The following SSH2 variants were observed in gnomAD, a reference collection of about 807,000 sequenced individuals.
The protein encoded by SSH2 is protein phosphatase Slingshot homolog 2.
In SSH2, 37 loss-of-function variants were observed where a neutral mutation model predicts 135.2. The ratio of observed to expected loss-of-function variants is 0.27; its 90% CI spans 0.21 to 0.36. The LOEUF (loss-of-function observed/expected upper bound fraction) is 0.36. Among genes scored for constraint, SSH2 ranks in the 10% least tolerant of loss-of-function variants. The probability of loss-of-function intolerance (pLI) is 1.00; values close to 1 mark genes in which losing one functional copy is unlikely to be tolerated. For missense variants in SSH2, 1,408 were observed against 1,765.3 expected (o/e 0.80, Z 3.63); for synonymous variants, 628 against 646.2 (o/e 0.97, Z 0.43).
At chr17:29,929,749 CA>C in intron 1 of SSH2, 188 bp downstream of exon 1, 1 of 608,542 alleles carries the variant, frequency 1.6e-6, no homozygotes, top group Non-Finnish European at 2.9e-6. Flanking sequence ...GTGATGGGGG[CA>C]AAAATCAACG....
chr17:29,677,809 CTCTT>C, intron 6 of SSH2, 68 bp from the exon 7 acceptor site: 1 of 1,215,094 alleles, frequency 8.2e-7, no homozygotes, highest in South Asian at 1.2e-5. Context: ...TGTTTACTAA[CTCTT>C]TCAACACCAA....
intron 2 of SSH2, among the ~76,000 whole-genome samples, chr17:29,835,958 CAAA>C (rs34869280): frequency 9.0e-5 from 7 of 77,570 alleles, no homozygotes; most frequent in Non-Finnish European, 8.5e-5. Flanking sequence ...GACTTCGTCT[CAAA>C]AAAAAAAAAA....
In SSH2 at chr17:29,735,867, C is replaced by T. The variant is rs141181794; in HGVS notation, c.189-32805G>A. On this transcript the variant is annotated intron_variant, in intron 3 of 15. Coordinates refer to ENST00000540801, the MANE Select transcript of SSH2 (RefSeq NM_001282129.2). ...ATCCCAGCACTTTGGGAGGCTGAGG[C>T]GGGCAGATCACTTGAGCTCAGAAGT... 3.8e-3 allele frequency among the ~76,000 whole-genome samples: 581 copies of T among 152,090 alleles called. 4 individuals carry two copies. Among genetic ancestry groups the T allele is most frequent in the African/African-American group, 0.013 (554 of 41,510 alleles).
intron 3 of SSH2, among the ~76,000 whole-genome samples, chr17:29,728,044 G>A (rs2040059205): frequency 6.6e-6 from 1 of 152,052 alleles, no homozygotes; most frequent in Admixed American, 6.6e-5. Context: ...AGCTGGGCGT[G>A]GTCTCAAACT....
At chr17:29,901,275 T>C (rs1202356110) in intron 1 of SSH2, among the ~76,000 whole-genome samples, 4 of 151,880 alleles carry the variant, frequency 2.6e-5, no homozygotes, top group South Asian at 4.2e-4. Context: ...ACTTAAAGTA[T>C]AATAATAAAA....
Position 29,684,214 on chromosome 17 carries a change from G to C in SSH2, c.479+349C>G, listed in dbSNP as rs552450680. On this transcript the variant is annotated intron_variant, in intron 6 of 15. Coordinates refer to ENST00000540801, the MANE Select transcript of SSH2 (RefSeq NM_001282129.2). ...AAGGCAACTGGGGCCAGGCACGGTG[G>C]CTCACGCCTGTAATCTCAGTACTTT... Among the ~76,000 whole-genome samples, 3 of 152,246 alleles carry C rather than the reference G, an allele frequency of 2.0e-5. No homozygotes were observed. The East Asian group carries it at 5.8e-4, about 29-fold the overall frequency.
chr17:29,907,816 AC>A (rs932212751), intron 1 of SSH2, among the ~76,000 whole-genome samples: 2 of 142,828 alleles, frequency 1.4e-5, no homozygotes, highest in African/African-American at 5.0e-5. Context: ...CCCTGACAAA[AC>A]CTTTTTTTTT....
chr17:29,913,995 C>A (rs2066835695), intron 1 of SSH2, among the ~76,000 whole-genome samples: 1 of 152,096 alleles, frequency 6.6e-6, no homozygotes, highest in Non-Finnish European at 1.5e-5. Flanking sequence ...ATCTAAAATC[C>A]CCCAAGCAAG....
At chr17:29,686,519 G>A (rs2038229346) in intron 5 of SSH2, among the ~76,000 whole-genome samples, 1 of 150,566 alleles carries the variant, frequency 6.6e-6, no homozygotes, top group Non-Finnish European at 1.5e-5. Flanking sequence ...ATGCTGCCAC[G>A]CCCGGCTAAT....
intron 1 of SSH2, among the ~76,000 whole-genome samples, chr17:29,877,729 T>C (rs931586578): frequency 2.0e-5 from 3 of 149,830 alleles, no homozygotes; most frequent in Non-Finnish European, 1.5e-5. Flanking sequence ...AGAAGAGTAG[T>C]AGAGGGGTGA....
chr17:29,676,483 A>G (rs539010199), intron 8 of SSH2: 27 of 212,158 alleles, frequency 1.3e-4, no homozygotes, highest in Non-Finnish European at 2.3e-4. Context: ...TAGCAATGTG[A>G]TGTTCTAGAT....
chr17:29,715,466 C>T (rs1025228675), intron 3 of SSH2, among the ~76,000 whole-genome samples: 8 of 150,542 alleles, frequency 5.3e-5, no homozygotes, highest in Non-Finnish European at 8.9e-5. Flanking sequence ...AGGATGGTCT[C>T]GATCTCCTGA....
chr17:29,672,514 C>T (rs1392731756), intron 8 of SSH2, among the ~76,000 whole-genome samples: 1 of 152,152 alleles, frequency 6.6e-6, no homozygotes. Flanking sequence ...TCCCTCAGCA[C>T]AGGATGTTAC....
chr17:29,635,731 G>C (rs1052850406), intron 15 of SSH2, among the ~76,000 whole-genome samples: 6 of 152,132 alleles, frequency 3.9e-5, no homozygotes. Context: ...TCGTTGTTCA[G>C]CCAGGACACT....
chr17:29,835,128 A>G (rs1464096068), intron 2 of SSH2, among the ~76,000 whole-genome samples: 2 of 152,206 alleles, frequency 1.3e-5, no homozygotes, highest in Non-Finnish European at 1.5e-5. Context: ...CCAAACAGAA[A>G]TTCCCACTAG....
At chr17:29,668,674 C>T (rs1273682290) in intron 9 of SSH2, among the ~76,000 whole-genome samples, 2 of 152,066 alleles carry the variant, frequency 1.3e-5, no homozygotes, top group Admixed American at 6.6e-5. Context: ...GAGGTGGAGG[C>T]TGCAGTGAGC....
intron 3 of SSH2, among the ~76,000 whole-genome samples, chr17:29,756,334 G>A (rs1042830534): frequency 1.3e-5 from 2 of 151,328 alleles, no homozygotes; most frequent in Non-Finnish European, 2.9e-5. Context: ...GCAATGGCAC[G>A]ATCATAGCTC....
At chr17:29,783,792 C>A (rs1005338544) in intron 3 of SSH2, among the ~76,000 whole-genome samples, 2 of 152,020 alleles carry the variant, frequency 1.3e-5, no homozygotes, top group African/African-American at 2.4e-5. Context: ...GGGGGCCGGG[C>A]GCGGTGGCTC....
chr17:29,712,242 T>C (rs928619499), intron 3 of SSH2, among the ~76,000 whole-genome samples: 32 of 152,332 alleles, frequency 2.1e-4, no homozygotes, highest in African/African-American at 7.7e-4. Context: ...CTTTGAGTTC[T>C]GTCTGTCCTT....
Sources: gnomAD v4.1 joint callset for allele counts (sites outside exome capture counted in the v4.1 genomes callset) on GRCh38, gnomAD v4.1.1 for gene constraint, MANE v1.5 for transcripts, NCBI Gene and HGNC (gene_info 2026-07-23, HGNC 2026-07-21) for gene names.